Variants in KLF12 observed in about 807,000 individuals in gnomAD.
KLF12 encodes the protein Krueppel-like factor 12.
A neutral mutation model predicts 37.8 loss-of-function variants in KLF12; 9 were observed. The observed-to-expected ratio is 0.24, with a 90% CI of 0.14 to 0.42. KLF12 has a LOEUF of 0.42. KLF12 is among the 10% of genes least tolerant of loss of function. The pLI is 1.00. For synonymous variants in KLF12, 208 were observed against 202.1 expected, an observed-to-expected ratio of 1.03 and a Z score of -0.25; for missense variants, 411 against 516.0, an observed-to-expected ratio of 0.80 and a Z score of 1.97.
chr13:74,213,100 A>C, the KLF12 span, among the ~76,000 whole-genome samples: 46,309 of 152,072 alleles, frequency 0.3, 11,685 homozygotes, highest in African/African-American at 0.69. Context: ...TAAAAGTCAT[A>C]CATAATTCTA....
At chr13:74,021,231 C>T (rs1444704275) in intron 1 of KLF12, among the ~76,000 whole-genome samples, 1 of 152,042 alleles carries the variant, frequency 6.6e-6, no homozygotes, top group Admixed American at 6.5e-5. Context: ...CATAAAATTG[C>T]TACTCACATC....
intron 2 of KLF12, among the ~76,000 whole-genome samples, chr13:73,959,759 T>C (rs1245850282): frequency 1.3e-5 from 2 of 152,106 alleles, no homozygotes; most frequent in African/African-American, 4.8e-5. Context: ...TCTCAACACA[T>C]TATCAGGTAA....
the KLF12 span, among the ~76,000 whole-genome samples, chr13:74,142,530 G>A: frequency 6.6e-6 from 1 of 152,160 alleles, no homozygotes; most frequent in Admixed American, 6.5e-5. Context: ...AACAACTAAT[G>A]AGGTCTTCCA....
rs995780591 is a variant in KLF12, at chr13:73,953,964, T to A, written c.34-9894A>T. Among the ~76,000 whole-genome samples the A allele has an allele frequency of 5.6e-4, 76 of 135,668 alleles. 1 individual carries two copies. Among genetic ancestry groups the A allele is most frequent in the Admixed American group, 3.4e-4 (4 of 11,798 alleles). 89.0% of individuals were successfully genotyped at this position (135,668 alleles called of 152,430 possible). ...AAACTAAGTAATTAGGTTTTGTTTT[T>A]TCTTTCTTTTTTTTTTTTTTTTTTT... On this transcript the variant is annotated intron_variant, in intron 2 of 7. Transcript: ENST00000377669.
intron 4 of KLF12, 97 bp from the exon 5 acceptor site, chr13:73,813,384 A>G: frequency 7.7e-7 from 1 of 1,306,022 alleles, no homozygotes; most frequent in Admixed American, 1.9e-5. Context: ...TGTGCATATC[A>G]TGCAAATGGA....
chr13:73,791,678 G>A (rs1272696290), intron 5 of KLF12, among the ~76,000 whole-genome samples: 1 of 151,980 alleles, frequency 6.6e-6, no homozygotes, highest in Non-Finnish European at 1.5e-5. Context: ...TGTTTGCTTG[G>A]TTGTTACTTT....
chr13:73,958,705 G>T (rs1190579540), intron 2 of KLF12, among the ~76,000 whole-genome samples: 1 of 152,134 alleles, frequency 6.6e-6, no homozygotes, highest in Non-Finnish European at 1.5e-5. Context: ...CACTGAATTG[G>T]TACCATGATC....
the KLF12 span, among the ~76,000 whole-genome samples, chr13:74,219,984 T>C: frequency 1.3e-5 from 2 of 152,180 alleles, no homozygotes; most frequent in Admixed American, 1.3e-4. Flanking sequence ...ATGTGTTTAA[T>C]TAGTTTTGGA....
chr13:74,271,865 G>T, the KLF12 span, among the ~76,000 whole-genome samples: 4 of 152,130 alleles, frequency 2.6e-5, no homozygotes, highest in African/African-American at 9.7e-5. Flanking sequence ...CCATGGGTAT[G>T]GTGACCAGAC....
At chr13:74,022,534 C>T (rs1169641710) in intron 1 of KLF12, among the ~76,000 whole-genome samples, 1 of 152,190 alleles carries the variant, frequency 6.6e-6, no homozygotes, top group Non-Finnish European at 1.5e-5. Flanking sequence ...ATTTTTTCCT[C>T]TCACTGGGTA....
At chr13:73,897,378 C>A (rs1041916070) in intron 3 of KLF12, among the ~76,000 whole-genome samples, 2 of 152,158 alleles carry the variant, frequency 1.3e-5, no homozygotes, top group African/African-American at 4.8e-5. Context: ...TTTGTCAAAT[C>A]TCTATTTGAC....
intron 6 of KLF12, among the ~76,000 whole-genome samples, chr13:73,718,849 ATGCCAC>A (rs931792300): frequency 1.3e-5 from 2 of 152,214 alleles, no homozygotes; most frequent in Non-Finnish European, 2.9e-5. Context: ...AGCCAAGATC[ATGCCAC>A]TGCACTCCAA....
At chr13:74,239,324 G>A in the KLF12 span, among the ~76,000 whole-genome samples, 228 of 149,040 alleles carry the variant, frequency 1.5e-3, 2 homozygotes, top group Non-Finnish European at 1.6e-3. Flanking sequence ...TATAATTTCT[G>A]TTCTTTTACA....
At chr13:74,067,682 C>A (rs940519912) in intron 1 of KLF12, among the ~76,000 whole-genome samples, 5 of 137,574 alleles carry the variant, frequency 3.6e-5, no homozygotes, top group African/African-American at 1.5e-4. Flanking sequence ...AGACAGTAAC[C>A]AACCAAAGAA....
At chr13:73,816,206 C>T (rs902130437) in intron 4 of KLF12, among the ~76,000 whole-genome samples, 26 of 152,156 alleles carry the variant, frequency 1.7e-4, no homozygotes, top group African/African-American at 5.1e-4. Context: ...GGGACATCAA[C>T]CCTAGTTAAC....
intron 1 of KLF12, among the ~76,000 whole-genome samples, chr13:74,007,680 G>C (rs1466498761): frequency 6.6e-6 from 1 of 152,066 alleles, no homozygotes; most frequent in Non-Finnish European, 1.5e-5. Flanking sequence ...AAACAAAATT[G>C]TTATTATTCG....
At chr13:73,803,153 T>A (rs945890064) in intron 5 of KLF12, among the ~76,000 whole-genome samples, 6 of 152,196 alleles carry the variant, frequency 3.9e-5, no homozygotes, top group African/African-American at 1.4e-4. Context: ...AGAGAAAGCA[T>A]GAGTAGATAA....
intron 1 of KLF12, among the ~76,000 whole-genome samples, chr13:74,019,010 G>A (rs146248016): frequency 2.6e-5 from 4 of 152,216 alleles, no homozygotes; most frequent in East Asian, 3.9e-4. Flanking sequence ...CAAAAACTGT[G>A]TATGTATTTT....
the KLF12 span, among the ~76,000 whole-genome samples, chr13:74,152,466 T>C: frequency 6.6e-6 from 1 of 152,172 alleles, no homozygotes; most frequent in African/African-American, 2.4e-5. Context: ...GAACCAATTT[T>C]TTGTTGTTGT....
Sources: allele counts gnomAD v4.1 joint callset (sites outside exome capture counted in the v4.1 genomes callset), GRCh38; gene constraint gnomAD v4.1.1; transcripts MANE v1.5; gene names NCBI Gene and HGNC (gene_info 2026-07-23, HGNC 2026-07-21).